Variants in ADGRL2 observed in about 807,000 individuals in gnomAD.
ADGRL2 encodes calcium-independent alpha-latrotoxin receptor 2.
A neutral mutation model predicts 157.4 loss-of-function variants in ADGRL2; 44 were observed. The ratio of observed to expected loss-of-function variants is 0.28; its 90% confidence interval spans 0.22 to 0.36. The LOEUF (loss-of-function observed/expected upper bound fraction) is 0.36. Ranked by LOEUF, ADGRL2 falls within the 10% of genes least tolerant of loss-of-function variation. The pLI is 1.00. For synonymous variants in ADGRL2, 585 were observed against 624.7 expected (o/e 0.94, Z 0.95); for missense variants, 1,510 against 1,768.9 (o/e 0.85, Z 2.63).
At chr1:81,490,182 A>G (rs1426224492) in intron 2 of ADGRL2, among the ~76,000 whole-genome samples, 6 of 149,390 alleles carry the variant, frequency 4.0e-5, no homozygotes, top group African/African-American at 1.5e-4. Context: ...CCCAGGCTAG[A>G]GTGCAATGGC....
chr1:81,595,805 C>T (rs2081219676), intron 3 of ADGRL2, among the ~76,000 whole-genome samples: 2 of 152,264 alleles, frequency 1.3e-5, no homozygotes, highest in South Asian at 2.1e-4. Context: ...ATTTGGGCTG[C>T]TATAACAGAA....
chr1:81,621,055 C>T (rs918312602), intron 3 of ADGRL2, among the ~76,000 whole-genome samples: 2 of 152,282 alleles, frequency 1.3e-5, no homozygotes, highest in African/African-American at 4.8e-5. Flanking sequence ...TCCCCCATAT[C>T]ATGGTGCTTT....
At chr1:81,733,233 C>A (rs1413207256) in intron 1 of ADGRL2, among the ~76,000 whole-genome samples, 1 of 152,140 alleles carries the variant, frequency 6.6e-6, no homozygotes, top group Non-Finnish European at 1.5e-5. Flanking sequence ...TCCAGAGAAA[C>A]CTAAAGAAAC....
rs187074924 is a variant in ADGRL2 at position 81,906,041 on chromosome 1, C to T, written c.74-976C>T. Reference sequence around the variant, plus strand: ...GAAGAAATATATTTTGGAAGTTTGGCCTGTGTACCATTTGTCCTGACATTT... The same window carrying T: ...GAAGAAATATATTTTGGAAGTTTGGTCTGTGTACCATTTGTCCTGACATTT... On this transcript the variant is annotated intron_variant, in intron 2 of 23. Coordinates refer to ENST00000686636, the MANE Select transcript of ADGRL2 (RefSeq NM_001366006.2). 7.3e-5 allele frequency among the ~76,000 whole-genome samples: 11 copies of T among 149,870 alleles called. No homozygotes were observed. In the Admixed American group the frequency reaches 7.4e-4, roughly 10 times the overall value.
chr1:81,820,947 A>G (rs1369093374), intron 1 of ADGRL2, among the ~76,000 whole-genome samples: 1 of 152,158 alleles, frequency 6.6e-6, no homozygotes, highest in East Asian at 1.9e-4. Flanking sequence ...GGATCCGCCC[A>G]TGTATTAACA....
intron 2 of ADGRL2, among the ~76,000 whole-genome samples, chr1:81,846,307 C>T (rs2092785675): frequency 6.9e-6 from 1 of 144,194 alleles, no homozygotes; most frequent in Non-Finnish European, 1.5e-5. Context: ...CAGTGTTCTT[C>T]TCTCCTTAAA....
At chr1:81,767,064 T>C (rs561792755) in intron 2 of ADGRL2, among the ~76,000 whole-genome samples, 22 of 152,242 alleles carry the variant, frequency 1.4e-4, no homozygotes, top group African/African-American at 5.1e-4. Context: ...CTGAAATATA[T>C]AATTGTTGTT....
At chr1:81,701,090 T>C (rs1016537949) in intron 1 of ADGRL2, among the ~76,000 whole-genome samples, 22 of 152,356 alleles carry the variant, frequency 1.4e-4, no homozygotes, top group Admixed American at 9.8e-4. Context: ...ATTTGTATTA[T>C]ACTGTAGTTA....
chr1:81,708,641 TATATATATATATATACACACACAC>T (rs1427841271), intron 1 of ADGRL2, among the ~76,000 whole-genome samples: 1 of 149,118 alleles, frequency 6.7e-6, no homozygotes, highest in African/African-American at 2.5e-5. Flanking sequence ...AAAATTTACA[TATATATATATATATACACACACAC>T]ATATATATAT....
At chr1:81,801,792 G>T (rs1364796907) in intron 1 of ADGRL2, among the ~76,000 whole-genome samples, 1 of 152,158 alleles carries the variant, frequency 6.6e-6, no homozygotes, top group African/African-American at 2.4e-5. Flanking sequence ...GCGCCCTCCC[G>T]CCCGTCGCTT....
upstream of ADGRL2, among the ~76,000 whole-genome samples, chr1:81,699,411 G>A (rs146312970): frequency 1.7e-4 from 26 of 152,272 alleles, no homozygotes; most frequent in East Asian, 2.9e-3. Flanking sequence ...CTACAATGAC[G>A]GTGCTGCTTA....
At chr1:81,714,662 T>C (rs534329104) in intron 1 of ADGRL2, among the ~76,000 whole-genome samples, 29 of 152,346 alleles carry the variant, frequency 1.9e-4, no homozygotes, top group African/African-American at 6.7e-4. Flanking sequence ...AATTAATGAA[T>C]GTGGTACTTA....
chr1:81,822,323 T>TA (rs1265818803), intron 1 of ADGRL2, among the ~76,000 whole-genome samples: 4 of 151,786 alleles, frequency 2.6e-5, no homozygotes, highest in African/African-American at 9.7e-5. Context: ...GCTAGGGAAA[T>TA]ATGTAGATGT....
At chr1:81,326,895 A>G (rs1161136999) in intron 1 of ADGRL2, among the ~76,000 whole-genome samples, 2 of 152,228 alleles carry the variant, frequency 1.3e-5, no homozygotes. Flanking sequence ...TGTAAAACAT[A>G]AACTCTAGAG....
intron 1 of ADGRL2, among the ~76,000 whole-genome samples, chr1:81,421,334 C>T (rs929864539): frequency 6.6e-6 from 1 of 152,174 alleles, no homozygotes; most frequent in Non-Finnish European, 1.5e-5. Flanking sequence ...AAAGCTCATA[C>T]TGATTCAAAA....
chr1:81,515,162 G>C (rs2079151549), intron 2 of ADGRL2: 1 of 152,030 alleles, frequency 6.6e-6, no homozygotes, highest in Non-Finnish European at 1.5e-5. Context: ...CTGGTCAGTG[G>C]GTCCCTCCAC....
chr1:81,814,469 T>G (rs997042619), intron 1 of ADGRL2, among the ~76,000 whole-genome samples: 7 of 151,344 alleles, frequency 4.6e-5, no homozygotes, highest in Admixed American at 4.6e-4. Flanking sequence ...ACATTTTAAG[T>G]GGAAGTTACC....
chr1:81,462,489 G>C (rs531107462), intron 2 of ADGRL2, among the ~76,000 whole-genome samples: 1 of 152,164 alleles, frequency 6.6e-6, no homozygotes, highest in African/African-American at 2.4e-5. Context: ...GGACACATCA[G>C]GGAGGGAGGG....
At chr1:81,783,221 T>C (rs1313373483) in intron 2 of ADGRL2, among the ~76,000 whole-genome samples, 1 of 152,188 alleles carries the variant, frequency 6.6e-6, no homozygotes, top group Non-Finnish European at 1.5e-5. Context: ...CCTCCCCGGT[T>C]CAGGCAATTC....
Sources: allele counts gnomAD v4.1 joint callset (sites outside exome capture counted in the v4.1 genomes callset), GRCh38; gene constraint gnomAD v4.1.1; transcripts MANE v1.5; gene names NCBI Gene and HGNC (gene_info 2026-07-23, HGNC 2026-07-21).